MAP7: variants seen among roughly 807,000 people sequenced by gnomAD.
MAP7 encodes microtubule associated protein 7, also known as ensconsin.
In MAP7, 52 loss-of-function variants were observed where a neutral mutation model predicts 94.8. That is an observed-to-expected ratio of 0.55 (90% CI 0.44 to 0.69). The LOEUF is 0.69. MAP7 is among the 30% of genes least tolerant of loss of function. The pLI is 0.00. For missense variants in MAP7, 940 were observed against 964.6 expected, an observed-to-expected ratio of 0.97 and a Z score of 0.34; for synonymous variants, 350 against 357.0, an observed-to-expected ratio of 0.98 and a Z score of 0.22.
intron 1 of MAP7, among the ~76,000 whole-genome samples, chr6:136,549,858 A>C (rs1293644263): frequency 6.6e-6 from 1 of 151,754 alleles, no homozygotes; most frequent in Non-Finnish European, 1.5e-5. Context: ...CCCCACACCG[A>C]CCCCGCTGAG....
intron 1 of MAP7, among the ~76,000 whole-genome samples, chr6:136,431,502 T>TTATTTATTTATA (rs1794886628): frequency 1.3e-5 from 2 of 148,376 alleles, no homozygotes; most frequent in Non-Finnish European, 3.0e-5. Context: ...CTTTATTTAT[T>TTATTTATTTATA]TATTTATTTA....
chr6:136,468,238 T>C (rs767864133), intron 1 of MAP7, among the ~76,000 whole-genome samples: 4 of 152,326 alleles, frequency 2.6e-5, no homozygotes, highest in East Asian at 1.9e-4. Context: ...CCTGACATTA[T>C]AGACTGGATA....
At chr6:136,472,783 C>T (rs1483948396) in intron 1 of MAP7, among the ~76,000 whole-genome samples, 2 of 152,072 alleles carry the variant, frequency 1.3e-5, no homozygotes, top group South Asian at 2.1e-4. Flanking sequence ...CACTTTGCTT[C>T]CAGCTTTAGC....
intron 1 of MAP7, among the ~76,000 whole-genome samples, chr6:136,497,729 G>A (rs1477470047): frequency 6.7e-6 from 1 of 149,020 alleles, no homozygotes; most frequent in Non-Finnish European, 1.5e-5. Flanking sequence ...AACCCGGGAG[G>A]TGGATGCTGC....
chr6:136,347,672 C>G (rs1025508163), intron 16 of MAP7, among the ~76,000 whole-genome samples: 3 of 152,166 alleles, frequency 2.0e-5, no homozygotes, highest in South Asian at 2.1e-4. Context: ...TCCCAAAGTG[C>G]TGGGATTACA....
At chr6:136,517,051 A>G (rs1042412202) in intron 1 of MAP7, among the ~76,000 whole-genome samples, 6 of 152,194 alleles carry the variant, frequency 3.9e-5, no homozygotes, top group Admixed American at 6.5e-5. Flanking sequence ...ATTAAGGCAG[A>G]TCAGAGTTTT....
chr6:136,343,963 T>C lies in MAP7; in HGVS notation c.*265A>G, dbSNP rs1787032135. ...TTGTCTTTTAAAGAATGCAGAAAAA[T>C]ATTGATTGCTAAGAAGGAGCACACT... On this transcript the variant is annotated 3_prime_UTR_variant, in exon 18 of 18. Coordinates refer to ENST00000354570, the MANE Select transcript of MAP7 (RefSeq NM_003980.6). 1 of 250,668 alleles carries C rather than the reference T, an allele frequency of 4.0e-6. No homozygotes were observed. The highest frequency in any genetic ancestry group is 5.5e-5 in the Admixed American group (1 of 18,206). 15.5% of individuals were successfully genotyped at this position (250,668 alleles called of 1,614,324 possible). A position where few individuals can be genotyped will look rare whatever the true frequency, so the allele number is the denominator to read the frequency against.
chr6:136,410,705 C>T (rs1787173926), intron 3 of MAP7, among the ~76,000 whole-genome samples: 1 of 152,186 alleles, frequency 6.6e-6, no homozygotes, highest in African/African-American at 2.4e-5. Flanking sequence ...TTTTGAAAAC[C>T]AGCTTCCACT....
At chr6:136,438,796 C>T (rs559022910) in intron 1 of MAP7, among the ~76,000 whole-genome samples, 165 of 152,242 alleles carry the variant, frequency 1.1e-3, no homozygotes, top group Middle Eastern at 6.8e-3. Flanking sequence ...AATCCACTTG[C>T]GACAAAAACT....
In MAP7 at chr6:136,405,916, A is replaced by G. The variant is rs559419278; in HGVS notation, c.244+5704T>C. The stretch of plus-strand genomic sequence containing the variant: ...AGGTAATCTTGTTTGATTTTTTATT[A>G]TCTTACTCCCTTCTTGGAATATAAA... On this transcript the variant is annotated intron_variant, in intron 3 of 17. Transcript: ENST00000354570. Among the ~76,000 whole-genome samples, 17 of 152,256 alleles carry G rather than the reference A, an allele frequency of 1.1e-4. 1 individual carries two copies. The highest frequency in any genetic ancestry group is 3.6e-4 in the African/African-American group (15 of 41,562).
intron 1 of MAP7, among the ~76,000 whole-genome samples, chr6:136,497,305 T>C (rs749440559): frequency 6.6e-6 from 1 of 151,814 alleles, no homozygotes; most frequent in Non-Finnish European, 1.5e-5. Context: ...CACAAGAAAA[T>C]TCCTAGTGAG....
chr6:136,449,152 G>A (rs554537362), intron 1 of MAP7, among the ~76,000 whole-genome samples: 5 of 152,048 alleles, frequency 3.3e-5, no homozygotes, highest in East Asian at 3.9e-4. Context: ...AAAATTAGCC[G>A]GGCATGGTGG....
At chr6:136,434,598 A>AT (rs3839511) in intron 1 of MAP7, among the ~76,000 whole-genome samples, 19,629 of 145,526 alleles carry the variant, frequency 0.13, 1,561 homozygotes, top group South Asian at 0.33. Context: ...TAGGCAAGGA[A>AT]TTTTTTTTTT....
intron 1 of MAP7, among the ~76,000 whole-genome samples, chr6:136,535,212 A>T (rs1171712141): frequency 1.3e-5 from 2 of 152,072 alleles, no homozygotes; most frequent in Admixed American, 1.3e-4. Flanking sequence ...GTTAGTTTAC[A>T]TAAGGTCTGG....
At chr6:136,529,865 G>C (rs998064243) in intron 1 of MAP7, among the ~76,000 whole-genome samples, 1 of 152,182 alleles carries the variant, frequency 6.6e-6, no homozygotes, top group African/African-American at 2.4e-5. Context: ...TGGCTGGTTG[G>C]CATCTCTGGC....
chr6:136,362,729 C>A (rs374539998), intron 10 of MAP7, 27 bp from the exon 11 acceptor site: 1 of 1,527,690 alleles, frequency 6.5e-7, no homozygotes, highest in Non-Finnish European at 8.7e-7. Flanking sequence ...AAGGAGAAAA[C>A]CAGTTGGAAA....
chr6:136,538,575 C>A (rs1211384738), intron 1 of MAP7, among the ~76,000 whole-genome samples: 1 of 151,642 alleles, frequency 6.6e-6, no homozygotes, highest in Non-Finnish European at 1.5e-5. Context: ...CACTTGAGTT[C>A]GAAACCAGCC....
At chr6:136,350,869 AT>A (rs1788986215) in intron 16 of MAP7, among the ~76,000 whole-genome samples, 1 of 152,214 alleles carries the variant, frequency 6.6e-6, no homozygotes, top group Admixed American at 6.5e-5. Flanking sequence ...TAAAATAAAA[AT>A]AAAACAAAAT....
At chr6:136,521,570 C>T (rs1562484583) in intron 1 of MAP7, among the ~76,000 whole-genome samples, 1 of 152,180 alleles carries the variant, frequency 6.6e-6, no homozygotes, top group Non-Finnish European at 1.5e-5. Flanking sequence ...CAGATGACTG[C>T]TTTAGGCAGT....
Sources: gnomAD v4.1 joint callset for allele counts (sites outside exome capture counted in the v4.1 genomes callset) on GRCh38, gnomAD v4.1.1 for gene constraint, MANE v1.5 for transcripts, NCBI Gene and HGNC (gene_info 2026-07-23, HGNC 2026-07-21) for gene names.